The following NDUFS4 variants were observed in gnomAD, a reference collection of about 807,000 sequenced individuals.
NDUFS4 encodes the protein NADH:ubiquinone oxidoreductase subunit S4.
In NDUFS4, 28 loss-of-function variants were observed where a neutral mutation model predicts 24.3. The ratio of observed to expected loss-of-function variants is 1.15; its 90% CI spans 0.85 to 1.58. NDUFS4 has a LOEUF of 1.58. NDUFS4 is among the 40% of genes most tolerant of loss of function. The pLI, the probability that NDUFS4 is intolerant of heterozygous loss-of-function variation, is 0.00. For synonymous variants in NDUFS4, 93 were observed against 69.7 expected, an observed-to-expected ratio of 1.34 and a Z score of -1.67; for missense variants, 223 against 207.9, an observed-to-expected ratio of 1.07 and a Z score of -0.45.
intron 1 of NDUFS4, among the ~76,000 whole-genome samples, chr5:53,597,137 C>T (rs1468896224): frequency 6.6e-6 from 1 of 152,130 alleles, no homozygotes; most frequent in African/African-American, 2.4e-5. Flanking sequence ...ACCTCACCCA[C>T]ATGGCTGGCA....
At chr5:53,658,732 T>TTGTATC (rs1414639018) in intron 4 of NDUFS4, 108 bp downstream of exon 4, 1 of 889,694 alleles carries the variant, frequency 1.1e-6, no homozygotes, top group Non-Finnish European at 1.8e-6. Flanking sequence ...AGTGGTTTCA[T>TTGTATC]TGTATCTAAT....
chr5:53,662,799 TA>T (rs1554060566), intron 4 of NDUFS4, among the ~76,000 whole-genome samples: 3 of 15,776 alleles, frequency 1.9e-4, no homozygotes, highest in African/African-American at 1.6e-3. Context: ...GCTTATAGTA[TA>T]TTCTCTGGTG....
chr5:53,561,519 T>G (rs1214200292), intron 1 of NDUFS4, among the ~76,000 whole-genome samples: 1 of 152,130 alleles, frequency 6.6e-6, no homozygotes, highest in Non-Finnish European at 1.5e-5. Flanking sequence ...GATGATTTTT[T>G]TTTTTTTGGC....
intron 2 of NDUFS4, among the ~76,000 whole-genome samples, chr5:53,610,819 T>G (rs1579870378): frequency 1.3e-5 from 2 of 152,174 alleles, no homozygotes; most frequent in East Asian, 3.9e-4. Flanking sequence ...TTAAAATGTT[T>G]TTGCCAGAAT....
At chr5:53,595,642 G>A (rs1750112371) in intron 1 of NDUFS4, among the ~76,000 whole-genome samples, 1 of 151,924 alleles carries the variant, frequency 6.6e-6, no homozygotes, top group Non-Finnish European at 1.5e-5. Flanking sequence ...CGGTTTCTTT[G>A]TTAGCATCCT....
chr5:53,672,388 A>T (rs1289974698), intron 4 of NDUFS4, among the ~76,000 whole-genome samples: 2 of 152,164 alleles, frequency 1.3e-5, no homozygotes, highest in African/African-American at 2.4e-5. Flanking sequence ...CATGTGAAAT[A>T]AAAAAACGTA....
intron 1 of NDUFS4, among the ~76,000 whole-genome samples, chr5:53,573,321 T>C (rs1054060141): frequency 6.6e-6 from 1 of 152,106 alleles, no homozygotes; most frequent in Non-Finnish European, 1.5e-5. Context: ...CCTTCCATCA[T>C]TTAGAATCAG....
chr5:53,610,593 A>G (rs570245843), intron 2 of NDUFS4, among the ~76,000 whole-genome samples: 9 of 152,302 alleles, frequency 5.9e-5, no homozygotes, highest in Admixed American at 1.3e-4. Context: ...CAGTAAAGCA[A>G]AGTTCATAAA....
chr5:53,664,624 G>A (rs966929785), intron 4 of NDUFS4, among the ~76,000 whole-genome samples: 12 of 151,980 alleles, frequency 7.9e-5, no homozygotes, highest in African/African-American at 2.7e-4. Context: ...TGATCAAATC[G>A]GCTACTGAGG....
intron 4 of NDUFS4, among the ~76,000 whole-genome samples, chr5:53,673,987 G>C (rs1239798080): frequency 6.6e-6 from 1 of 152,036 alleles, no homozygotes; most frequent in African/African-American, 2.4e-5. Flanking sequence ...TTAAAATTTT[G>C]CCTAGTAATT....
At chr5:53,603,654 C>G (rs1268153936) in intron 2 of NDUFS4, 124 bp downstream of exon 2, 1 of 719,430 alleles carries the variant, frequency 1.4e-6, no homozygotes, top group East Asian at 2.8e-5. Context: ...CTAGATTATA[C>G]CTAAATTTTA....
At chr5:53,664,037 A>C (rs1752431305) in intron 4 of NDUFS4, among the ~76,000 whole-genome samples, 1 of 152,176 alleles carries the variant, frequency 6.6e-6, no homozygotes, top group South Asian at 2.1e-4. Context: ...GGTGGTTGCA[A>C]AATCTCTTTG....
chr5:53,650,440 G>A (rs1219222289), intron 3 of NDUFS4, among the ~76,000 whole-genome samples: 3 of 152,194 alleles, frequency 2.0e-5, no homozygotes, highest in African/African-American at 7.2e-5. Flanking sequence ...AGGGAAATCT[G>A]TGTATTTTTG....
chr5:53,673,219 T>C (rs1740339347), intron 4 of NDUFS4, among the ~76,000 whole-genome samples: 1 of 152,132 alleles, frequency 6.6e-6, no homozygotes, highest in African/African-American at 2.4e-5. Flanking sequence ...TGACAACTTT[T>C]CTCATAGTTG....
chr5:53,676,286 GT>G (rs1479366211), intron 4 of NDUFS4, among the ~76,000 whole-genome samples: 1 of 152,148 alleles, frequency 6.6e-6, no homozygotes, highest in Non-Finnish European at 1.5e-5. Flanking sequence ...CTTATTCACA[GT>G]TATGTTCTTT....
intron 1 of NDUFS4, among the ~76,000 whole-genome samples, chr5:53,591,461 T>TGGC (rs1554054833): frequency 2.5e-5 from 2 of 81,188 alleles, no homozygotes; most frequent in African/African-American, 1.0e-4. Context: ...TTGTTTTTTT[T>TGGC]GGGGGGGGGG....
chr5:53,624,333 T>A (rs2607476), intron 2 of NDUFS4, among the ~76,000 whole-genome samples: 31,047 of 152,044 alleles, frequency 0.2, 3,698 homozygotes, highest in East Asian at 0.46. Flanking sequence ...AAACAAAGAT[T>A]TCACGTGAAT....
intron 4 of NDUFS4, among the ~76,000 whole-genome samples, chr5:53,662,395 C>T (rs1490077140): frequency 2.0e-5 from 3 of 152,110 alleles, no homozygotes; most frequent in African/African-American, 4.8e-5. Flanking sequence ...ATTCGGTTTG[C>T]CAGTATTTTA....
chr5:53,587,172 A>G (rs191313484), intron 1 of NDUFS4, among the ~76,000 whole-genome samples: 18 of 152,142 alleles, frequency 1.2e-4, no homozygotes, highest in Admixed American at 1.2e-3. Flanking sequence ...TCTCTATCCC[A>G]TCTGCTCATT....
Sources: gnomAD v4.1 joint callset for allele counts (sites outside exome capture counted in the v4.1 genomes callset) on GRCh38, gnomAD v4.1.1 for gene constraint, MANE v1.5 for transcripts, NCBI Gene and HGNC (gene_info 2026-07-23, HGNC 2026-07-21) for gene names.